The following NABP2 variants were observed in gnomAD, a reference collection of about 807,000 sequenced individuals.
The protein encoded by NABP2 is nucleic acid binding protein 2.
In NABP2, 7 loss-of-function variants were observed where a neutral mutation model predicts 22.7. The ratio of observed to expected loss-of-function variants is 0.31; its 90% CI spans 0.18 to 0.58. NABP2 has a LOEUF of 0.58. NABP2 is among the 20% of genes least tolerant of loss of function. NABP2 has a pLI of 0.89. For missense variants in NABP2, 188 were observed against 265.9 expected, an observed-to-expected ratio of 0.71 and a Z score of 2.04; for synonymous variants, 107 against 99.2, an observed-to-expected ratio of 1.08 and a Z score of -0.47.
At chr12:56,226,507 A>C in intron 6 of NABP2, 88 bp downstream of exon 6, 1 of 1,198,292 alleles carries the variant, frequency 8.3e-7, no homozygotes, top group Non-Finnish European at 1.2e-6. Context: ...TTCCTTTTCC[A>C]AATCTCTCTT....
chr12:56,224,323 GA>G (rs1869653647), upstream of NABP2: 1 of 987,254 alleles, frequency 1.0e-6, no homozygotes, highest in Non-Finnish European at 1.2e-6. Flanking sequence ...CCAGCCGGGG[GA>G]AACTTCCGGG....
In NABP2 at chr12:56,227,192, G is replaced by A. The variant is rs892637341; in HGVS notation, c.436+773G>A. ...GAGTTCAAGACCAGCCATGGCCAAC[G>A]TGGCGAAACCCCATCTCTATTAAAA... is the stretch of plus-strand genomic sequence containing the variant. On this transcript the variant is annotated intron_variant, in intron 6 of 6. Transcript: ENST00000267023. 2.0e-5 allele frequency among the ~76,000 whole-genome samples: 3 copies of A among 151,636 alleles called. 1 individual carries two copies. Among genetic ancestry groups the A allele is most frequent in the Non-Finnish European group, 4.4e-5 (3 of 67,884 alleles).
At chr12:56,225,533 G>A (rs947227814) in intron 3 of NABP2, 22 bp downstream of exon 3, 1 of 1,614,140 alleles carries the variant, frequency 6.2e-7, no homozygotes, top group Admixed American at 1.7e-5. Context: ...GGTGACTTCT[G>A]GCCTTCCAAA....
Position 56,226,405 on chromosome 12 carries a change from C to T in NABP2, c.422C>T (p.Ser141Phe), listed in dbSNP as rs1250827726. The change falls in exon 6 of 7, where the codon TCT (serine) becomes TTT (phenylalanine). Residue 141 changes from serine (S) to phenylalanine (F), a missense_variant. Transcript: ENST00000267023. ...PSASQPTTGP[S>F]AASPASENQN... is the part of the protein sequence containing the mutation. ...GCTTCCCAGCCTACCACTGGACCCT[C>T]TGCTGCCTCTCCAGGTAAATCTGTT... The T allele has an allele frequency of 6.2e-7, 1 of 1,613,328 alleles. No individual in the cohort carries two copies. Among genetic ancestry groups the T allele is most frequent in the East Asian group, 2.2e-5 (1 of 44,886 alleles).
At chr12:56,224,960 C>T (rs368196817) in intron 2 of NABP2, 25 bp downstream of exon 2, 15 of 1,433,248 alleles carry the variant, frequency 1.0e-5, no homozygotes, top group Middle Eastern at 2.0e-4. Flanking sequence ...GTGGCGGGTT[C>T]GCGGGATGGG....
At chr12:56,223,815 T>G (rs988026615), upstream of NABP2, 7 of 152,212 alleles carry the variant, frequency 4.6e-5, no homozygotes, top group African/African-American at 1.7e-4. Flanking sequence ...TACATATTTT[T>G]TGTCTTTTTT....
At chr12:56,227,869 T>C (rs1298276988) in intron 6 of NABP2, among the ~76,000 whole-genome samples, 1 of 152,202 alleles carries the variant, frequency 6.6e-6, no homozygotes, top group East Asian at 1.9e-4. Context: ...TGACTTGTTA[T>C]TAGCTTTGGT....
Position 56,225,022 on chromosome 12 carries a change from G to A in NABP2, c.79+87G>A. On this transcript the variant is annotated intron_variant, in intron 2 of 6. Coordinates refer to ENST00000267023, the MANE Select transcript of NABP2 (RefSeq NM_024068.4). The stretch of plus-strand genomic sequence containing the variant: ...TGTCTGCGTTCTTAACTTGCTATGG[G>A]GATGGCAAGGCAAGCTGCAAGACAC... 1.5e-5 allele frequency: 15 copies of A among 998,848 alleles called. No homozygotes were observed. The South Asian group carries it at 1.8e-4, about 12-fold the overall frequency. The allele number at this position is 998,848 out of a possible 1,614,324, so 61.9% of individuals were successfully genotyped here.
At chr12:56,228,190 C>T (rs529041569) in intron 6 of NABP2, among the ~76,000 whole-genome samples, 2 of 152,076 alleles carry the variant, frequency 1.3e-5, no homozygotes, top group African/African-American at 4.8e-5. Context: ...GAAACTCCAA[C>T]TCAAAAAAAT....
Position 56,224,394 on chromosome 12 carries a change from C to A in NABP2, c.-71C>A. 1.0e-6 allele frequency: 1 copy of A among 991,232 alleles called. No individual in the cohort carries two copies. 61.4% of individuals were successfully genotyped at this position (991,232 alleles called of 1,614,324 possible). Reference sequence around the variant, plus strand: ...CCGGCGGCAGCGGAGCCTGTGGCTCCCCCTGCGGGCTGCTCAGCGGCGTGC... The same window carrying A: ...CCGGCGGCAGCGGAGCCTGTGGCTCACCCTGCGGGCTGCTCAGCGGCGTGC... On this transcript the variant is annotated 5_prime_UTR_variant, in exon 1 of 7. Transcript: ENST00000267023.
At position 56,229,087 on chromosome 12, in the gene NABP2, T is replaced by TTGCCACCCCC; in HGVS notation, c.510_511insTGCCACCCCC (p.Pro171CysfsTer33). ...GTGGTGGCCCACATCCCCCTCATAC[T>TTGCCACCCCC]CCCTCCCACCCACCCAGCACCCGAA... On this transcript the variant is annotated frameshift_variant, in exon 7 of 7. Transcript: ENST00000267023. LOFTEE classifies it high-confidence loss of function. 16 of 1,512,330 alleles carry TTGCCACCCCC rather than the reference T, an allele frequency of 1.1e-5. No individual in the cohort carries two copies. The highest frequency in any genetic ancestry group is 1.5e-5 in the Non-Finnish European group (16 of 1,102,000). 93.7% of individuals were successfully genotyped at this position (1,512,330 alleles called of 1,614,324 possible). A position where few individuals can be genotyped will look rare whatever the true frequency, so the allele number is the denominator to read the frequency against.
chr12:56,228,901 G>T, intron 6 of NABP2, 113 bp from the exon 7 acceptor site: 1 of 956,306 alleles, frequency 1.0e-6, no homozygotes, highest in South Asian at 1.4e-5. Flanking sequence ...GCATTAAGAT[G>T]CAGTTGTGCA....
In NABP2 at chr12:56,224,369, C is replaced by T; in HGVS notation, c.-96C>T. The T allele has an allele frequency of 1.0e-6, 1 of 990,414 alleles. No individual in the cohort carries two copies. Among genetic ancestry groups the T allele is most frequent in the Non-Finnish European group, 1.2e-6 (1 of 832,008 alleles). The allele number at this position is 990,414 out of a possible 1,614,324, so 61.4% of individuals were successfully genotyped here. ...ACTCCCGCGTTCCACGGGGCAGCAT[C>T]CGGCGGCAGCGGAGCCTGTGGCTCC... On this transcript the variant is annotated 5_prime_UTR_variant, in exon 1 of 7. Transcript: ENST00000267023.
At position 56,225,604 on chromosome 12, in the gene NABP2, G is replaced by C; in HGVS notation, c.219-20G>C. The C allele has an allele frequency of 1.2e-6, 2 of 1,614,098 alleles. No individual in the cohort carries two copies. Among genetic ancestry groups the C allele is most frequent in the Non-Finnish European group, 1.7e-6 (2 of 1,180,018 alleles). On this transcript the variant is annotated intron_variant, in intron 3 of 6. Coordinates refer to ENST00000267023, the MANE Select transcript of NABP2 (RefSeq NM_024068.4). Reference sequence around the variant, plus strand: ...ATAACACTTCTGAGTACTGAATTTTGCTTTTTTTGCCTCCCATAGGTACGC... The same window carrying C: ...ATAACACTTCTGAGTACTGAATTTTCCTTTTTTTGCCTCCCATAGGTACGC...
chr12:56,227,881 G>A (rs1869846555), intron 6 of NABP2, among the ~76,000 whole-genome samples: 1 of 152,082 alleles, frequency 6.6e-6, no homozygotes, highest in African/African-American at 2.4e-5. Context: ...AGCTTTGGTG[G>A]GTAAGATTAC....
Position 56,229,087 on chromosome 12 carries a change from T to TTGCCCCCCACC in NABP2, c.510_511insTGCCCCCCACC (p.Pro171CysfsTer66). ...GTGGTGGCCCACATCCCCCTCATACTCCCTCCCACCCACCCAGCACCCGAA... is the reference window on the plus strand; with the variant it reads ...GTGGTGGCCCACATCCCCCTCATACTTGCCCCCCACCCCCTCCCACCCACCCAGCACCCGAA... On this transcript the variant is annotated frameshift_variant, in exon 7 of 7. Transcript: ENST00000267023. LOFTEE classifies it high-confidence loss of function. 6.6e-7 allele frequency: 1 copy of TTGCCCCCCACC among 1,512,346 alleles called. No homozygotes were observed. The highest frequency in any genetic ancestry group is 9.1e-7 in the Non-Finnish European group (1 of 1,102,014). 93.7% of individuals were successfully genotyped at this position (1,512,346 alleles called of 1,614,324 possible). A position where few individuals can be genotyped will look rare whatever the true frequency, so the allele number is the denominator to read the frequency against.
At position 56,229,087 on chromosome 12, in the gene NABP2, T is replaced by TGCCCAC; in HGVS notation, c.510_511insGCCCAC (p.Thr170_Pro171insAlaHis). On this transcript the variant is annotated inframe_insertion, in exon 7 of 7. Transcript: ENST00000267023. ...GTGGTGGCCCACATCCCCCTCATACTCCCTCCCACCCACCCAGCACCCGAA... is the reference window on the plus strand; with the variant it reads ...GTGGTGGCCCACATCCCCCTCATACTGCCCACCCCTCCCACCCACCCAGCACCCGAA... The TGCCCAC allele has an allele frequency of 1.3e-6, 2 of 1,512,340 alleles. No individual in the cohort carries two copies. Among genetic ancestry groups the TGCCCAC allele is most frequent in the Non-Finnish European group, 1.8e-6 (2 of 1,102,008 alleles). The allele number at this position is 1,512,340 out of a possible 1,614,324, so 93.7% of individuals were successfully genotyped here. A position where few individuals can be genotyped will look rare whatever the true frequency, so the allele number is the denominator to read the frequency against.
chr12:56,229,087 T>TTGCCCACCCC lies in NABP2; in HGVS notation c.510_511insTGCCCACCCC (p.Pro171CysfsTer33). On this transcript the variant is annotated frameshift_variant, in exon 7 of 7. Coordinates refer to ENST00000267023, the MANE Select transcript of NABP2 (RefSeq NM_024068.4). LOFTEE classifies it high-confidence loss of function. The stretch of plus-strand genomic sequence containing the variant: ...GTGGTGGCCCACATCCCCCTCATAC[T>TTGCCCACCCC]CCCTCCCACCCACCCAGCACCCGAA... The TTGCCCACCCC allele has an allele frequency of 2.8e-5, 43 of 1,512,278 alleles. No homozygotes were observed. The highest frequency in any genetic ancestry group is 3.5e-5 in the Non-Finnish European group (39 of 1,101,952). The allele number at this position is 1,512,278 out of a possible 1,614,324, so 93.7% of individuals were successfully genotyped here.
chr12:56,226,412 C>T lies in NABP2; in HGVS notation c.429C>T (p.Ala143=). 1 of 1,613,146 alleles carries T rather than the reference C, an allele frequency of 6.2e-7. No individual in the cohort carries two copies. Among genetic ancestry groups the T allele is most frequent in the African/African-American group, 1.3e-5 (1 of 75,008 alleles). Residue 143 remains alanine, a synonymous_variant, in exon 6 of 7, where the codon GCC becomes GCT. Coordinates refer to ENST00000267023, the MANE Select transcript of NABP2 (RefSeq NM_024068.4). ...ASQPTTGPSA[A]SPASENQNGN... is the part of the protein sequence containing the mutation. ...AGCCTACCACTGGACCCTCTGCTGC[C>T]TCTCCAGGTAAATCTGTTCCCTTCT...
Sources: gnomAD v4.1 joint callset for allele counts (sites outside exome capture counted in the v4.1 genomes callset) on GRCh38, gnomAD v4.1.1 for gene constraint, MANE v1.5 for transcripts, NCBI Gene and HGNC (gene_info 2026-07-23, HGNC 2026-07-21) for gene names.